Variants in TRAF3IP1 observed in about 807,000 individuals in gnomAD.
TRAF3IP1 encodes the protein TRAF3-interacting protein 1.
In TRAF3IP1, 53 loss-of-function variants were observed where a neutral mutation model predicts 89.9. The ratio of observed to expected loss-of-function variants is 0.59; its 90% CI spans 0.47 to 0.74. TRAF3IP1 has a LOEUF of 0.74. Among genes scored for constraint, TRAF3IP1 ranks in the 30% least tolerant of loss-of-function variants. The pLI is 0.00. For synonymous variants in TRAF3IP1, 311 were observed against 322.1 expected, an observed-to-expected ratio of 0.97 and a Z score of 0.37; for missense variants, 806 against 866.1, an observed-to-expected ratio of 0.93 and a Z score of 0.87.
intron 6 of TRAF3IP1, 129 bp downstream of exon 6, chr2:238,333,024 C>T: frequency 1.5e-6 from 1 of 661,444 alleles, no homozygotes; most frequent in Non-Finnish European, 2.7e-6. Context: ...TGTAATAGGT[C>T]CATTTTATTT....
At chr2:238,349,035 T>C (rs2106392963) in intron 11 of TRAF3IP1, among the ~76,000 whole-genome samples, 187 bp downstream of exon 11, 1 of 152,358 alleles carries the variant, frequency 6.6e-6, no homozygotes. Flanking sequence ...AGTGATATAA[T>C]ATTTTGGAGA....
intron 15 of TRAF3IP1, among the ~76,000 whole-genome samples, chr2:238,372,983 G>GA (rs1559384960): frequency 6.6e-6 from 1 of 151,910 alleles, no homozygotes; most frequent in East Asian, 1.9e-4. Context: ...GGGGTTGTTT[G>GA]TTTTTTTCTT....
intron 14 of TRAF3IP1, 75 bp from the exon 15 acceptor site, chr2:238,355,929 C>T: frequency 9.5e-7 from 1 of 1,047,134 alleles, no homozygotes; most frequent in Non-Finnish European, 1.5e-6. Context: ...GTTTTTCCCA[C>T]CATCCCACCC....
intron 15 of TRAF3IP1, among the ~76,000 whole-genome samples, chr2:238,389,497 C>G (rs1353573730): frequency 6.6e-6 from 1 of 151,942 alleles, no homozygotes; most frequent in Non-Finnish European, 1.5e-5. Context: ...TCTGTAATCC[C>G]AGCACTTTGG....
rs58804526 is a variant in TRAF3IP1 at position 238,343,792 on chromosome 2, C to T, written c.1160-705C>T. On this transcript the variant is annotated intron_variant, in intron 8 of 16. Transcript: ENST00000373327. The stretch of plus-strand genomic sequence containing the variant: ...TCAGCCTCCTGAGTAGCTGGGACTA[C>T]GGGTGTGTGTAACCATGCTTGGCTA... Among the ~76,000 whole-genome samples the T allele has an allele frequency of 5.2e-3, 797 of 151,930 alleles. 10 individuals are homozygous for T. Among genetic ancestry groups the T allele is most frequent in the African/African-American group, 0.018 (762 of 41,398 alleles).
chr2:238,340,540 G>A (rs1481521598), intron 8 of TRAF3IP1, among the ~76,000 whole-genome samples: 2 of 152,118 alleles, frequency 1.3e-5, no homozygotes, highest in Non-Finnish European at 2.9e-5. Context: ...TTCAAAACAT[G>A]AACAATTTCT....
chr2:238,383,712 C>T (rs1700642184), intron 15 of TRAF3IP1, among the ~76,000 whole-genome samples: 1 of 152,242 alleles, frequency 6.6e-6, no homozygotes, highest in South Asian at 2.1e-4. Context: ...CTAGCAAACA[C>T]TGGACATCTT....
rs375159126 is a variant in TRAF3IP1 at position 238,333,917 on chromosome 2, T to C, written c.988-43T>C. On this transcript the variant is annotated intron_variant, in intron 6 of 16. Transcript: ENST00000373327. ...AATAAACCTGCTTATGATACTGCTG[T>C]GTAATACATCAATTAATTTCTTTTC... is the stretch of plus-strand genomic sequence containing the variant. 8 of 1,480,240 alleles carry C rather than the reference T, an allele frequency of 5.4e-6. No individual in the cohort carries two copies. The African/African-American group carries it at 6.9e-5, about 13-fold the overall frequency. The allele number at this position is 1,480,240 out of a possible 1,614,324, so 91.7% of individuals were successfully genotyped here.
rs952663190 is a variant in TRAF3IP1 at position 238,379,226 on chromosome 2, C to T, written c.1690-18233C>T. On this transcript the variant is annotated intron_variant, in intron 15 of 16. Coordinates refer to ENST00000373327, the MANE Select transcript of TRAF3IP1 (RefSeq NM_015650.4). The surrounding 1 kb of genome is among the most constrained non-coding windows in gnomAD (Gnocchi z 4.0). The stretch of plus-strand genomic sequence containing the variant: ...CCCACCCCATTTAAGTCCCTGCCCA[C>T]GAGTCTCCTCTTCAGAGAGGCCTTT... Among the ~76,000 whole-genome samples the T allele has an allele frequency of 7.2e-5, 11 of 152,208 alleles. No homozygotes were observed. The highest frequency in any genetic ancestry group is 1.3e-4 in the Admixed American group (2 of 15,284).
At chr2:238,370,511 G>A (rs1377682887) in intron 15 of TRAF3IP1, among the ~76,000 whole-genome samples, 2 of 152,144 alleles carry the variant, frequency 1.3e-5, no homozygotes, top group East Asian at 3.8e-4. Context: ...CTCCCTGGCC[G>A]TGTGGGTGCC....
chr2:238,324,644 C>T (rs901834025), intron 1 of TRAF3IP1, among the ~76,000 whole-genome samples: 18 of 151,786 alleles, frequency 1.2e-4, no homozygotes, highest in Admixed American at 7.9e-4. Flanking sequence ...CTGGCTCTGT[C>T]GCCAGGCTGG....
chr2:238,350,972 C>T lies in TRAF3IP1; in HGVS notation c.1451+1564C>T, dbSNP rs80249806. On this transcript the variant is annotated intron_variant, in intron 12 of 16. Transcript: ENST00000373327. ...TGCCAGTGAGTGAGGGAGGAGCCCT[C>T]GGGGTGAAGGTCAGGAGGAGGCATT... 2.8e-3 allele frequency among the ~76,000 whole-genome samples: 427 copies of T among 151,924 alleles called. 2 individuals carry two copies. Among genetic ancestry groups the T allele is most frequent in the African/African-American group, 9.4e-3 (391 of 41,410 alleles).
rs2106351430 is a variant in TRAF3IP1, at chr2:238,320,576, C to T, written c.-87C>T. On this transcript the variant is annotated 5_prime_UTR_variant, in exon 1 of 17. Coordinates refer to ENST00000373327, the MANE Select transcript of TRAF3IP1 (RefSeq NM_015650.4). The stretch of plus-strand genomic sequence containing the variant: ...TGGCAGGACCGGGCGGCGGCGGCGG[C>T]GGGGCCGGCGGCGGCCAGGGACCCG... 1 of 1,060,280 alleles carries T rather than the reference C, an allele frequency of 9.4e-7. No individual in the cohort carries two copies. The highest frequency in any genetic ancestry group is 1.1e-6 in the Non-Finnish European group (1 of 878,074). 65.7% of individuals were successfully genotyped at this position (1,060,280 alleles called of 1,614,324 possible). A position where few individuals can be genotyped will look rare whatever the true frequency, so the allele number is the denominator to read the frequency against.
intron 1 of TRAF3IP1, among the ~76,000 whole-genome samples, chr2:238,323,481 C>T (rs912047082): frequency 3.3e-5 from 5 of 152,158 alleles, no homozygotes; most frequent in Non-Finnish European, 5.9e-5. Flanking sequence ...TAATATTCTA[C>T]CTGTCATCTC....
At chr2:238,366,596 AT>A (rs1040079251) in intron 15 of TRAF3IP1, among the ~76,000 whole-genome samples, 1 of 152,138 alleles carries the variant, frequency 6.6e-6, no homozygotes, top group Admixed American at 6.5e-5. Flanking sequence ...TAAAGATTTT[AT>A]TTTTACTGAA....
rs1376188342 is a variant in TRAF3IP1 at position 238,379,606 on chromosome 2, G to T, written c.1690-17853G>T. Among the ~76,000 whole-genome samples the T allele has an allele frequency of 6.6e-6, 1 of 152,192 alleles. No homozygotes were observed. Among genetic ancestry groups the T allele is most frequent in the African/African-American group, 2.4e-5 (1 of 41,446 alleles). On this transcript the variant is annotated intron_variant, in intron 15 of 16. Transcript: ENST00000373327. The surrounding 1 kb of genome is among the most constrained non-coding windows in gnomAD (Gnocchi z 4.0). ...TTCTGTGACACGTGTTTTCTGCCGAGGACCTCTGACCTCATGGCCACTTCC... is the reference window on the plus strand; with the variant it reads ...TTCTGTGACACGTGTTTTCTGCCGATGACCTCTGACCTCATGGCCACTTCC...
chr2:238,384,630 G>A (rs1700690338), intron 15 of TRAF3IP1, among the ~76,000 whole-genome samples: 2 of 147,174 alleles, frequency 1.4e-5, no homozygotes, highest in South Asian at 2.1e-4. Flanking sequence ...TGATCTGCCC[G>A]CCTCAGCCTC....
rs534179426 is a variant in TRAF3IP1, at chr2:238,367,857, G to A, written c.1689+11777G>A. On this transcript the variant is annotated intron_variant, in intron 15 of 16. Transcript: ENST00000373327. Reference sequence around the variant, plus strand: ...AGCACCGCGGCTCCAGCATGCCCCAGGCCCGGAGCCTGTGCCTCCCTGTCT... The same window carrying A: ...AGCACCGCGGCTCCAGCATGCCCCAAGCCCGGAGCCTGTGCCTCCCTGTCT... 2.0e-5 allele frequency among the ~76,000 whole-genome samples: 3 copies of A among 152,336 alleles called. No homozygotes were observed. The South Asian group carries it at 6.2e-4, about 32-fold the overall frequency.
chr2:238,363,765 G>T (rs893684455), intron 15 of TRAF3IP1, among the ~76,000 whole-genome samples: 12 of 152,212 alleles, frequency 7.9e-5, no homozygotes, highest in African/African-American at 2.9e-4. Flanking sequence ...TTCAAGACTA[G>T]CCTGGCCAAC....
Sources: gnomAD v4.1 joint callset for allele counts (sites outside exome capture counted in the v4.1 genomes callset) on GRCh38, gnomAD v4.1.1 for gene constraint, Gnocchi (gnomAD v3.1) non-coding constraint, MANE v1.5 for transcripts, NCBI Gene and HGNC (gene_info 2026-07-23, HGNC 2026-07-21) for gene names.